DENND1A: variants seen among roughly 807,000 people sequenced by gnomAD.
DENND1A encodes DENN domain-containing protein 1A.
Under a neutral mutation model 113.7 loss-of-function variants are expected in DENND1A, and 51 were observed. The observed-to-expected ratio is 0.45, with a 90% CI of 0.36 to 0.57. The LOEUF is 0.57. Ranked by LOEUF, DENND1A falls within the 20% of genes least tolerant of loss-of-function variation. The pLI is 0.00. For missense variants in DENND1A, 1,258 were observed against 1,395.9 expected, an observed-to-expected ratio of 0.90 and a Z score of 1.57; for synonymous variants, 565 against 570.8, an observed-to-expected ratio of 0.99 and a Z score of 0.14.
rs2042181277 is a variant in DENND1A at position 123,379,723 on chromosome 9, G to GGA, written c.*1708_*1709insTC. 6.6e-6 allele frequency: 1 copy of GGA among 152,282 alleles called. No homozygotes were observed. Among genetic ancestry groups the GGA allele is most frequent in the South Asian group, 2.1e-4 (1 of 4,836 alleles). 9.4% of individuals were successfully genotyped at this position (152,282 alleles called of 1,614,324 possible). On this transcript the variant is annotated 3_prime_UTR_variant, in exon 24 of 24. Coordinates refer to ENST00000394215, the MANE Select transcript of DENND1A (RefSeq NM_001352964.2). ...CTTGGGTTTGCAAAAAGTCCCACAA[G>GGA]TGAAGAGGCAGCAGTGCTCATGTGA...
chr9:123,516,707 G>A (rs2053940882), intron 13 of DENND1A, among the ~76,000 whole-genome samples: 1 of 151,718 alleles, frequency 6.6e-6, no homozygotes, highest in Non-Finnish European at 1.5e-5. Context: ...CCAACATGGT[G>A]AAATCCCATC....
rs1233321277 is a variant in DENND1A at position 123,827,641 on chromosome 9, C to A, written c.89-35011G>T. 4.6e-5 allele frequency among the ~76,000 whole-genome samples: 7 copies of A among 152,206 alleles called. No homozygotes were observed. The East Asian group carries it at 1.2e-3, about 25-fold the overall frequency. On this transcript the variant is annotated intron_variant, in intron 2 of 23. Coordinates refer to ENST00000394215, the MANE Select transcript of DENND1A (RefSeq NM_001352964.2). ...GGGGCTCAAAGGTGATCAGAGGTTTCAAATCCCCAACAGGATGAAGAAGAC... is the reference window on the plus strand; with the variant it reads ...GGGGCTCAAAGGTGATCAGAGGTTTAAAATCCCCAACAGGATGAAGAAGAC...
chr9:123,870,292 T>TG (rs1357998108), intron 2 of DENND1A, among the ~76,000 whole-genome samples: 1 of 149,362 alleles, frequency 6.7e-6, no homozygotes, highest in East Asian at 1.9e-4. Flanking sequence ...TTTTCTGAGA[T>TG]GGAGTCTCAC....
chr9:123,606,197 A>C (rs949468221), intron 11 of DENND1A, among the ~76,000 whole-genome samples: 3 of 152,238 alleles, frequency 2.0e-5, no homozygotes, highest in African/African-American at 7.2e-5. Flanking sequence ...GGAGGAGGTC[A>C]GGAGACTGAA....
rs999232250 is a variant in DENND1A, at chr9:123,597,235, G to A, written c.765+12201C>T. ...GTTGGAAACCCAATTTAACAAGCAC[G>A]CTGAAACATTGTTTATTGCCCCCAT... On this transcript the variant is annotated intron_variant, in intron 11 of 23. Transcript: ENST00000394215. Among the ~76,000 whole-genome samples, 10 of 152,272 alleles carry A rather than the reference G, an allele frequency of 6.6e-5. No individual in the cohort carries two copies. The South Asian group carries it at 1.5e-3, about 22-fold the overall frequency.
intron 18 of DENND1A, among the ~76,000 whole-genome samples, chr9:123,450,359 C>T (rs893398304): frequency 2.0e-5 from 3 of 152,206 alleles, no homozygotes; most frequent in Non-Finnish European, 4.4e-5. Context: ...TCAGCCATAG[C>T]GGGTGGGCAG....
intron 2 of DENND1A, among the ~76,000 whole-genome samples, chr9:123,855,757 T>C (rs1844072806): frequency 6.6e-6 from 1 of 152,030 alleles, no homozygotes; most frequent in Admixed American, 6.6e-5. Context: ...CAATTAAGTG[T>C]CCAGGTGCGG....
intron 3 of DENND1A, among the ~76,000 whole-genome samples, chr9:123,777,078 G>A (rs1830577513): frequency 6.6e-6 from 1 of 152,194 alleles, no homozygotes; most frequent in African/African-American, 2.4e-5. Context: ...ATATGGTTAG[G>A]TCATTCAAGG....
chr9:123,623,926 T>C (rs755269910), intron 10 of DENND1A, among the ~76,000 whole-genome samples: 28 of 152,164 alleles, frequency 1.8e-4, no homozygotes, highest in Admixed American at 1.1e-3. Context: ...TCAGGCGCCA[T>C]GTAAAAAGCT....
At chr9:123,765,714 T>C (rs1828689040) in intron 4 of DENND1A, among the ~76,000 whole-genome samples, 1 of 152,200 alleles carries the variant, frequency 6.6e-6, no homozygotes, top group African/African-American at 2.4e-5. Context: ...GGCAAGCAAG[T>C]AGCAAACATG....
At chr9:123,687,593 C>T (rs1259737115) in intron 5 of DENND1A, among the ~76,000 whole-genome samples, 1 of 152,204 alleles carries the variant, frequency 6.6e-6, no homozygotes, top group African/African-American at 2.4e-5. Flanking sequence ...CAAAGCAGAA[C>T]CTTTCAACTA....
chr9:123,719,109 G>C (rs905094792), intron 5 of DENND1A, among the ~76,000 whole-genome samples: 2 of 152,154 alleles, frequency 1.3e-5, no homozygotes, highest in Non-Finnish European at 2.9e-5. Context: ...GCCTCCCCAG[G>C]CATGAGGAAC....
At chr9:123,508,771 A>AG (rs1364271373) in intron 13 of DENND1A, among the ~76,000 whole-genome samples, 1 of 152,214 alleles carries the variant, frequency 6.6e-6, no homozygotes, top group African/African-American at 2.4e-5. Context: ...AAAGTATAAA[A>AG]GAATAGAGGG....
chr9:123,466,197 C>T (rs1313770384), intron 13 of DENND1A, among the ~76,000 whole-genome samples: 1 of 151,928 alleles, frequency 6.6e-6, no homozygotes, highest in Non-Finnish European at 1.5e-5. Flanking sequence ...TGAGGTTTCA[C>T]CATGTTAGCC....
chr9:123,794,189 G>A (rs1833434713), intron 2 of DENND1A, among the ~76,000 whole-genome samples: 1 of 152,178 alleles, frequency 6.6e-6, no homozygotes, highest in African/African-American at 2.4e-5. Flanking sequence ...AAAGGACTAG[G>A]CTGGCGGAGA....
rs34196587 is a variant in DENND1A at position 123,620,213 on chromosome 9, CAAAAAAAAAAAA to C, written c.719+10151_719+10162del. Among the ~76,000 whole-genome samples the C allele has an allele frequency of 1.0e-4, 6 of 59,054 alleles. No homozygotes were observed. The East Asian group carries it at 2.6e-3, about 26-fold the overall frequency. The allele number at this position is 59,054 out of a possible 152,430, so 38.7% of individuals were successfully genotyped here. ...TGGGTGAGAGAGTAAGACTCCATCT[CAAAAAAAAAAAA>C]AAAAAAAAAAAAAGAAAAGAAAAAG... On this transcript the variant is annotated intron_variant, in intron 10 of 23. Transcript: ENST00000394215.
At chr9:123,529,136 T>A (rs1320817609) in intron 13 of DENND1A, among the ~76,000 whole-genome samples, 2 of 152,230 alleles carry the variant, frequency 1.3e-5, no homozygotes, top group Non-Finnish European at 2.9e-5. Context: ...AATATTTTTT[T>A]AAACAAATGA....
intron 8 of DENND1A, among the ~76,000 whole-genome samples, chr9:123,665,191 T>G (rs929151959): frequency 6.6e-6 from 1 of 152,192 alleles, no homozygotes; most frequent in Non-Finnish European, 1.5e-5. Context: ...GACCAATATT[T>G]GAATTCTGAT....
At chr9:123,503,253 C>A (rs1251416891) in intron 13 of DENND1A, among the ~76,000 whole-genome samples, 1 of 152,194 alleles carries the variant, frequency 6.6e-6, no homozygotes, top group East Asian at 1.9e-4. Flanking sequence ...CAACTACTCT[C>A]TTTATGCCTC....
Sources: gnomAD v4.1 joint callset for allele counts (sites outside exome capture counted in the v4.1 genomes callset) on GRCh38, gnomAD v4.1.1 for gene constraint, MANE v1.5 for transcripts, NCBI Gene and HGNC (gene_info 2026-07-23, HGNC 2026-07-21) for gene names.